VAV3: variants seen among roughly 807,000 people sequenced by gnomAD.
VAV3 encodes guanine nucleotide exchange factor VAV3.
In VAV3, 94 loss-of-function variants were observed where a neutral mutation model predicts 131.2. The observed-to-expected ratio is 0.72, with a 90% CI of 0.61 to 0.85. The LOEUF is 0.85. Ranked by LOEUF, VAV3 falls within the 40% of genes least tolerant of loss-of-function variation. The probability of loss-of-function intolerance (pLI) is 0.00; values close to 1 mark genes in which losing one functional copy is unlikely to be tolerated. For synonymous variants in VAV3, 349 were observed against 342.0 expected (o/e 1.02, Z -0.22); for missense variants, 939 against 1,002.7 (o/e 0.94, Z 0.86).
chr1:107,721,769 C>T (rs1661516136), intron 15 of VAV3, among the ~76,000 whole-genome samples: 1 of 152,144 alleles, frequency 6.6e-6, no homozygotes, highest in African/African-American at 2.4e-5. Context: ...CATCAAACTA[C>T]ACAAACTAAG....
chr1:107,679,478 T>C (rs947160072), intron 19 of VAV3, among the ~76,000 whole-genome samples: 19 of 152,300 alleles, frequency 1.2e-4, no homozygotes, highest in African/African-American at 4.6e-4. Flanking sequence ...AATGGTCGCC[T>C]GAAGTGTTTA....
At chr1:107,837,031 G>A (rs1035481970) in intron 2 of VAV3, among the ~76,000 whole-genome samples, 1 of 151,970 alleles carries the variant, frequency 6.6e-6, no homozygotes, top group African/African-American at 2.4e-5. Flanking sequence ...CAAAGAGGAA[G>A]GACTCCTCCC....
At chr1:107,597,620 A>G (rs1651498605) in intron 24 of VAV3, among the ~76,000 whole-genome samples, 1 of 152,224 alleles carries the variant, frequency 6.6e-6, no homozygotes, top group Admixed American at 6.5e-5. Context: ...TACAATAGCC[A>G]GGAACCAGGG....
chr1:107,640,783 G>C (rs1278416156), intron 20 of VAV3, among the ~76,000 whole-genome samples: 4 of 152,120 alleles, frequency 2.6e-5, no homozygotes, highest in Non-Finnish European at 4.4e-5. Flanking sequence ...AACAAGCTTA[G>C]CTTTGGTTGT....
At chr1:107,796,389 C>T (rs1666546269) in intron 2 of VAV3, among the ~76,000 whole-genome samples, 1 of 151,928 alleles carries the variant, frequency 6.6e-6, no homozygotes, top group African/African-American at 2.4e-5. Context: ...TTATTTTTTC[C>T]TTTTTTTAGG....
chr1:107,631,154 T>A (rs11185150), intron 20 of VAV3, among the ~76,000 whole-genome samples: 57,927 of 151,346 alleles, frequency 0.38, 11,521 homozygotes, highest in East Asian at 0.48. Context: ...GTAACACCTA[T>A]TTTTTTTTGA....
chr1:107,949,575 G>A (rs754770088), intron 1 of VAV3, among the ~76,000 whole-genome samples: 12 of 152,116 alleles, frequency 7.9e-5, no homozygotes, highest in Non-Finnish European at 1.6e-4. Flanking sequence ...CCAAAATGCT[G>A]GGATTATAGG....
chr1:107,891,873 G>C lies in VAV3; in HGVS notation c.205-16856C>G, dbSNP rs531014582. Among the ~76,000 whole-genome samples, 19 of 149,570 alleles carry C rather than the reference G, an allele frequency of 1.3e-4. 1 individual carries two copies. In the South Asian group the frequency reaches 1.5e-3, roughly 12 times the overall value. On this transcript the variant is annotated intron_variant, in intron 1 of 26. Coordinates refer to ENST00000370056, the MANE Select transcript of VAV3 (RefSeq NM_006113.5). The stretch of plus-strand genomic sequence containing the variant: ...AAAAAAAAAAAAAAAAAGAGCTCAG[G>C]GGTCAGACCAGGCTGCTTTCAAGTC...
At chr1:107,960,357 T>C (rs1354975318) in intron 1 of VAV3, among the ~76,000 whole-genome samples, 1 of 151,770 alleles carries the variant, frequency 6.6e-6, no homozygotes, top group Non-Finnish European at 1.5e-5. Context: ...TCCCAGCTAC[T>C]CTGGAGGCTC....
At chr1:107,803,868 C>T (rs528086337) in intron 2 of VAV3, among the ~76,000 whole-genome samples, 30 of 152,040 alleles carry the variant, frequency 2.0e-4, no homozygotes, top group Non-Finnish European at 3.7e-4. Context: ...ATGACTGTTA[C>T]TTTATTGCAA....
At chr1:107,728,036 G>A (rs1661957204) in intron 15 of VAV3, among the ~76,000 whole-genome samples, 1 of 152,138 alleles carries the variant, frequency 6.6e-6, no homozygotes, top group African/African-American at 2.4e-5. Context: ...GTATTCAGGA[G>A]TCAGGAGTGG....
intron 19 of VAV3, among the ~76,000 whole-genome samples, chr1:107,664,395 A>C (rs543710729): frequency 2.0e-5 from 3 of 150,654 alleles, no homozygotes; most frequent in Admixed American, 6.6e-5. Flanking sequence ...CGCCACTGCC[A>C]TGTGTCCACA....
intron 11 of VAV3, among the ~76,000 whole-genome samples, chr1:107,756,478 T>C (rs1272589693): frequency 1.3e-5 from 2 of 152,144 alleles, no homozygotes; most frequent in South Asian, 2.1e-4. Flanking sequence ...CTGTTAGTGG[T>C]AGACAATCAG....
At chr1:107,732,018 A>C (rs917026345) in intron 15 of VAV3, among the ~76,000 whole-genome samples, 28 of 152,332 alleles carry the variant, frequency 1.8e-4, no homozygotes, top group African/African-American at 5.8e-4. Context: ...AAGAGAAAAA[A>C]TATTTGGTTG....
At chr1:107,886,353 C>T (rs1235025372) in intron 1 of VAV3, among the ~76,000 whole-genome samples, 1 of 152,156 alleles carries the variant, frequency 6.6e-6, no homozygotes, top group Non-Finnish European at 1.5e-5. Flanking sequence ...AGTATAGAGT[C>T]AAATCTGAAG....
intron 15 of VAV3, among the ~76,000 whole-genome samples, chr1:107,710,045 C>T (rs1193930652): frequency 6.6e-6 from 1 of 152,036 alleles, no homozygotes; most frequent in Non-Finnish European, 1.5e-5. Context: ...ATTTTTAAAA[C>T]ATACATGCTT....
chr1:107,655,808 C>G (rs973909700), intron 19 of VAV3, among the ~76,000 whole-genome samples: 8 of 152,034 alleles, frequency 5.3e-5, no homozygotes, highest in Admixed American at 5.2e-4. Context: ...GTAGACATTT[C>G]TCAAAAAAGA....
intron 20 of VAV3, among the ~76,000 whole-genome samples, chr1:107,632,335 C>T (rs1654567191): frequency 6.6e-6 from 1 of 152,114 alleles, no homozygotes; most frequent in South Asian, 2.1e-4. Context: ...GCAAAGCTCC[C>T]CAGGTGATTC....
chr1:107,812,162 A>G (rs1667343746), intron 2 of VAV3, among the ~76,000 whole-genome samples: 1 of 152,250 alleles, frequency 6.6e-6, no homozygotes, highest in Non-Finnish European at 1.5e-5. Flanking sequence ...TTTGGCTTAC[A>G]GGAAACTTCC....
Sources: allele counts gnomAD v4.1 joint callset (sites outside exome capture counted in the v4.1 genomes callset), GRCh38; gene constraint gnomAD v4.1.1; transcripts MANE v1.5; gene names NCBI Gene and HGNC (gene_info 2026-07-23, HGNC 2026-07-21).